Variants in NRF1 observed in about 807,000 individuals in gnomAD.
The protein encoded by NRF1 is nuclear respiratory factor 1.
A neutral mutation model predicts 58.5 loss-of-function variants in NRF1; 5 were observed. The ratio of observed to expected loss-of-function variants is 0.09; its 90% CI spans 0.04 to 0.18. The LOEUF is 0.18. Among genes scored for constraint, NRF1 ranks in the 10% least tolerant of loss-of-function variants. NRF1 has a pLI of 1.00. For synonymous variants in NRF1, 224 were observed against 246.7 expected (o/e 0.91, Z 0.86); for missense variants, 288 against 657.7 (o/e 0.44, Z 6.15).
chr7:129,650,260 T>C (rs1247660273), intron 1 of NRF1, among the ~76,000 whole-genome samples: 1 of 151,848 alleles, frequency 6.6e-6, no homozygotes, highest in East Asian at 1.9e-4. Flanking sequence ...TTGAATGTGG[T>C]GTTGAGTCAC....
At chr7:129,715,227 C>A (rs552935867) in intron 8 of NRF1, among the ~76,000 whole-genome samples, 1 of 152,140 alleles carries the variant, frequency 6.6e-6, no homozygotes, top group Non-Finnish European at 1.5e-5. Context: ...CATTTTTTAC[C>A]GTCCTGACTG....
At chr7:129,742,426 G>A (rs896484867) in intron 10 of NRF1, among the ~76,000 whole-genome samples, 14 of 152,086 alleles carry the variant, frequency 9.2e-5, no homozygotes, top group African/African-American at 2.9e-4. Context: ...CTAGAGAGGC[G>A]TCCAGCAGTC....
chr7:129,699,953 CAT>C (rs779299712), intron 5 of NRF1, among the ~76,000 whole-genome samples: 2 of 143,032 alleles, frequency 1.4e-5, no homozygotes, highest in Admixed American at 7.2e-5. Flanking sequence ...GCCTGACCAA[CAT>C]AGTGAAACCC....
In NRF1 at chr7:129,661,739, C is replaced by T. The variant is rs190656597; in HGVS notation, c.223+4165C>T. On this transcript the variant is annotated intron_variant, in intron 2 of 10. Coordinates refer to ENST00000393232, the MANE Select transcript of NRF1 (RefSeq NM_005011.5). ...AGTTCCAAACTTTCCTACATTTTCC[C>T]GTCTTCTTTTGAGCCCTCCAAACTG... 7.2e-4 allele frequency among the ~76,000 whole-genome samples: 109 copies of T among 151,002 alleles called. 2 individuals are homozygous for T. The highest frequency in any genetic ancestry group is 2.4e-3 in the African/African-American group (96 of 40,338).
At chr7:129,612,795 C>T (rs1023381220) in intron 1 of NRF1, among the ~76,000 whole-genome samples, 2 of 152,208 alleles carry the variant, frequency 1.3e-5, no homozygotes, top group African/African-American at 2.4e-5. Flanking sequence ...GCAATGATGT[C>T]TGCTGCCTCT....
intron 5 of NRF1, among the ~76,000 whole-genome samples, chr7:129,699,388 G>C (rs1802766754): frequency 6.6e-6 from 1 of 152,066 alleles, no homozygotes; most frequent in Admixed American, 6.6e-5. Flanking sequence ...GGAAAATATT[G>C]GGTTTCTAGA....
chr7:129,654,643 T>A (rs984852709), intron 1 of NRF1, among the ~76,000 whole-genome samples: 21 of 152,204 alleles, frequency 1.4e-4, no homozygotes, highest in Non-Finnish European at 2.8e-4. Context: ...TTTGTGAAGG[T>A]CTATGTCTAG....
intron 1 of NRF1, among the ~76,000 whole-genome samples, chr7:129,612,801 C>T (rs1468045150): frequency 6.6e-6 from 1 of 152,160 alleles, no homozygotes; most frequent in Non-Finnish European, 1.5e-5. Flanking sequence ...ATGTCTGCTG[C>T]CTCTCTCACC....
At chr7:129,736,390 T>C (rs892751669) in intron 10 of NRF1, among the ~76,000 whole-genome samples, 1 of 150,348 alleles carries the variant, frequency 6.7e-6, no homozygotes, top group Non-Finnish European at 1.5e-5. Context: ...CAAGCGATTC[T>C]CCTGCCTCAG....
intron 1 of NRF1, chr7:129,641,746 C>G (rs1584599718): frequency 6.6e-6 from 1 of 151,952 alleles, no homozygotes; most frequent in Non-Finnish European, 1.5e-5. Flanking sequence ...GTGGTGTGAT[C>G]TCGGCTCTCT....
chr7:129,641,570 G>A (rs995017720), intron 1 of NRF1, among the ~76,000 whole-genome samples: 1 of 152,134 alleles, frequency 6.6e-6, no homozygotes, highest in African/African-American at 2.4e-5. Context: ...TTCTCTGCCT[G>A]CTGTGAACAT....
intron 5 of NRF1, among the ~76,000 whole-genome samples, chr7:129,707,363 A>G (rs1327769839): frequency 6.6e-6 from 1 of 152,220 alleles, no homozygotes; most frequent in African/African-American, 2.4e-5. Flanking sequence ...TCTCCTAGGT[A>G]TGAATATAAA....
intron 10 of NRF1, among the ~76,000 whole-genome samples, chr7:129,732,245 G>C (rs10255077): frequency 0.91 from 138,697 of 152,260 alleles, 63,201 homozygotes; most frequent in East Asian, 0.94. Flanking sequence ...ATTATATTGG[G>C]ACTTGGCCAC....
intron 2 of NRF1, among the ~76,000 whole-genome samples, chr7:129,662,594 A>C (rs1378106789): frequency 1.3e-5 from 2 of 152,070 alleles, no homozygotes; most frequent in East Asian, 3.8e-4. Context: ...ATTTCAATGA[A>C]TACTGGATGC....
intron 1 of NRF1, among the ~76,000 whole-genome samples, chr7:129,634,059 T>TACACAC (rs1358874411): frequency 0.014 from 1,767 of 124,714 alleles, 18 homozygotes; most frequent in South Asian, 0.033. Flanking sequence ...TATATATATA[T>TACACAC]ATACACACAC....
chr7:129,664,701 C>G (rs2001331), intron 2 of NRF1, among the ~76,000 whole-genome samples: 33 of 152,270 alleles, frequency 2.2e-4, no homozygotes, highest in African/African-American at 7.2e-4. Context: ...AGTGTTAAGA[C>G]CAGGCAAAGA....
chr7:129,687,054 A>G (rs896510942), intron 4 of NRF1, among the ~76,000 whole-genome samples: 7 of 152,178 alleles, frequency 4.6e-5, no homozygotes, highest in African/African-American at 1.7e-4. Context: ...TACATATATA[A>G]AAAGGAAAAT....
chr7:129,732,598 TTTTGTTTG>T (rs57499892), intron 10 of NRF1, among the ~76,000 whole-genome samples: 10 of 150,824 alleles, frequency 6.6e-5, no homozygotes, highest in African/African-American at 2.4e-4. Flanking sequence ...CCTTTGGGGT[TTTTGTTTG>T]TTTGTTTGTT....
intron 1 of NRF1, among the ~76,000 whole-genome samples, chr7:129,612,804 C>A (rs1584570453): frequency 6.6e-6 from 1 of 152,208 alleles, no homozygotes; most frequent in Non-Finnish European, 1.5e-5. Flanking sequence ...TCTGCTGCCT[C>A]TCTCACCTGT....
Sources: gnomAD v4.1 joint callset for allele counts (sites outside exome capture counted in the v4.1 genomes callset) on GRCh38, gnomAD v4.1.1 for gene constraint, MANE v1.5 for transcripts, NCBI Gene and HGNC (gene_info 2026-07-23, HGNC 2026-07-21) for gene names.